The following LRBA variants were observed in gnomAD, a reference collection of about 807,000 sequenced individuals.
LRBA encodes LPS responsive beige-like anchor protein.
In LRBA, 176 loss-of-function variants were observed where a neutral mutation model predicts 330.0. The ratio of observed to expected loss-of-function variants is 0.53; its 90% CI spans 0.47 to 0.60. The LOEUF (loss-of-function observed/expected upper bound fraction) is 0.60, where lower values mean the gene tolerates loss of function less well. LRBA is among the 20% of genes least tolerant of loss of function. LRBA has a pLI of 0.00. For synonymous variants in LRBA, 1,230 were observed against 1,193.0 expected (o/e 1.03, Z -0.64); for missense variants, 3,259 against 3,444.8 (o/e 0.95, Z 1.35).
chr4:150,963,384 G>C (rs1148633), intron 2 of LRBA, among the ~76,000 whole-genome samples: 1 of 149,114 alleles, frequency 6.7e-6, no homozygotes, highest in Non-Finnish European at 1.5e-5. Context: ...ACGGGGTTTC[G>C]CCCTGTTGGC....
chr4:150,561,717 C>T (rs1002305812), intron 40 of LRBA, among the ~76,000 whole-genome samples: 2 of 152,098 alleles, frequency 1.3e-5, no homozygotes, highest in Non-Finnish European at 2.9e-5. Context: ...TTCTGTGAGG[C>T]CTGCATAAAG....
At position 150,559,866 on chromosome 4, in the gene LRBA, A is replaced by AATATATAATT. The variant is rs1351512723; in HGVS notation, c.6330+28172_6330+28181dup. Among the ~76,000 whole-genome samples, 498 of 75,590 alleles carry AATATATAATT rather than the reference A, an allele frequency of 6.6e-3. 3 individuals carry two copies. Among genetic ancestry groups the AATATATAATT allele is most frequent in the Middle Eastern group, 0.016 (2 of 128 alleles). The allele number at this position is 75,590 out of a possible 152,430, so 49.6% of individuals were successfully genotyped here. On this transcript the variant is annotated intron_variant, in intron 40 of 56. Transcript: ENST00000651943. ...TATATAATAATATATAATTATATAT[A>AATATATAATT]ATATATAATTATATATAATTATATA...
intron 5 of LRBA, 44 bp from the exon 6 acceptor site, chr4:150,916,782 G>A: frequency 1.4e-6 from 2 of 1,462,860 alleles, no homozygotes; most frequent in Non-Finnish European, 1.8e-6. Context: ...GTGAAAACCT[G>A]TCTTATTAAA....
intron 37 of LRBA, among the ~76,000 whole-genome samples, chr4:150,639,736 AATATATATATATATATATATAT>A (rs1212252752): frequency 3.9e-5 from 2 of 51,152 alleles, no homozygotes; most frequent in African/African-American, 1.7e-4. Context: ...CTATGCCCCA[AATATATATATATATATATATAT>A]ATATATATAT....
Position 150,350,087 on chromosome 4 carries a change from C to T in LRBA, c.7267G>A (p.Gly2423Arg). The change falls in exon 48 of 57, where the codon GGA becomes AGA. Residue 2423 changes from glycine to arginine, a missense_variant. Gly to Arg is a moderately radical substitution (Grantham distance 125). Coordinates refer to ENST00000651943, the MANE Select transcript of LRBA (RefSeq NM_001364905.1). ...IDLIFGYKQQ[G>R]PEAVRALNVF... is the part of the protein sequence containing the mutation. ...TTGAGGGCTCGGACAGCTTCTGGTC[C>T]TTGCTGTTTATAGCCAAAAATGAGA... 1.2e-6 allele frequency: 2 copies of T among 1,610,060 alleles called. No individual in the cohort carries two copies. Among genetic ancestry groups the T allele is most frequent in the Non-Finnish European group, 1.7e-6 (2 of 1,178,558 alleles).
intron 31 of LRBA, among the ~76,000 whole-genome samples, chr4:150,808,871 C>T (rs1743188052): frequency 6.6e-6 from 1 of 152,162 alleles, no homozygotes; most frequent in Non-Finnish European, 1.5e-5. Flanking sequence ...GGTTAGAAGC[C>T]TAGATCTCTG....
Position 150,925,776 on chromosome 4 carries a change from C to G in LRBA, c.549+2740G>C, listed in dbSNP as rs559362925. On this transcript the variant is annotated intron_variant, in intron 4 of 56. Transcript: ENST00000651943. ...TATGCTTATGAATATAATAAAAATA[C>G]ATTACATATTCAGAATAAATAATGT... is the stretch of plus-strand genomic sequence containing the variant. 6.6e-3 allele frequency among the ~76,000 whole-genome samples: 997 copies of G among 152,192 alleles called. 13 individuals carry two copies. Among genetic ancestry groups the G allele is most frequent in the African/African-American group, 0.019 (803 of 41,534 alleles).
At chr4:150,627,426 A>G (rs1020840742) in intron 37 of LRBA, among the ~76,000 whole-genome samples, 3 of 152,046 alleles carry the variant, frequency 2.0e-5, no homozygotes, top group Admixed American at 1.3e-4. Context: ...TTATTAGTAT[A>G]AACACAAGGG....
chr4:150,889,729 A>C (rs1729285460), intron 17 of LRBA, among the ~76,000 whole-genome samples: 2 of 152,186 alleles, frequency 1.3e-5, no homozygotes, highest in South Asian at 4.1e-4. Flanking sequence ...CTGGTGCCAA[A>C]AAGGCTGGGG....
At chr4:150,980,912 A>T (rs1435321523) in intron 2 of LRBA, among the ~76,000 whole-genome samples, 1 of 152,170 alleles carries the variant, frequency 6.6e-6, no homozygotes, top group East Asian at 1.9e-4. Flanking sequence ...CCTAGGAATT[A>T]ACCAAAGAAT....
At chr4:150,497,899 G>A (rs1759780571) in intron 40 of LRBA, among the ~76,000 whole-genome samples, 1 of 152,146 alleles carries the variant, frequency 6.6e-6, no homozygotes, top group Non-Finnish European at 1.5e-5. Context: ...AGGTGACAAT[G>A]AAGTTCATAT....
intron 34 of LRBA, 87 bp from the exon 35 acceptor site, chr4:150,761,934 A>C: frequency 1.4e-6 from 1 of 721,670 alleles, no homozygotes; most frequent in Non-Finnish European, 2.4e-6. Flanking sequence ...AATATCACCC[A>C]TATCAATTTC....
chr4:150,404,243 G>C (rs1312585873), intron 47 of LRBA, among the ~76,000 whole-genome samples: 1 of 152,044 alleles, frequency 6.6e-6, no homozygotes, highest in Admixed American at 6.5e-5. Context: ...TCAATAAAGA[G>C]AAATAATTGA....
At chr4:150,451,309 C>T (rs1023917841) in intron 44 of LRBA, among the ~76,000 whole-genome samples, 6 of 152,208 alleles carry the variant, frequency 3.9e-5, no homozygotes, top group African/African-American at 1.2e-4. Flanking sequence ...TCTGAGCCAT[C>T]GAACAAATTC....
intron 44 of LRBA, among the ~76,000 whole-genome samples, chr4:150,442,599 C>T (rs1457122197): frequency 6.6e-6 from 1 of 152,082 alleles, no homozygotes; most frequent in Non-Finnish European, 1.5e-5. Flanking sequence ...GAAGAAGGTG[C>T]ATGCAATTAG....
chr4:150,764,913 T>G lies in LRBA; in HGVS notation c.5581-3066A>C, dbSNP rs186615379. Among the ~76,000 whole-genome samples, 133 of 152,160 alleles carry G rather than the reference T, an allele frequency of 8.7e-4. 1 individual carries two copies. The highest frequency in any genetic ancestry group is 4.6e-4 in the Non-Finnish European group (31 of 67,902). On this transcript the variant is annotated intron_variant, in intron 34 of 56. Transcript: ENST00000651943. Reference sequence around the variant, plus strand: ...TACCACAAGATCCAGCAATTTCACTTTTTAGTGTTTAACCAAGGGAGTTGA... The same window carrying G: ...TACCACAAGATCCAGCAATTTCACTGTTTAGTGTTTAACCAAGGGAGTTGA...
At chr4:150,473,057 A>G (rs1024990287) in intron 42 of LRBA, among the ~76,000 whole-genome samples, 5 of 152,136 alleles carry the variant, frequency 3.3e-5, no homozygotes, top group African/African-American at 9.7e-5. Context: ...GAAACCGCCA[A>G]ATTGTTTTCC....
chr4:150,531,918 T>C (rs1461139003), intron 40 of LRBA, among the ~76,000 whole-genome samples: 3 of 152,202 alleles, frequency 2.0e-5, no homozygotes, highest in Non-Finnish European at 4.4e-5. Context: ...ACCTCTACCA[T>C]GCGTATCATT....
At chr4:150,497,458 C>T (rs940227417) in intron 40 of LRBA, among the ~76,000 whole-genome samples, 3 of 152,034 alleles carry the variant, frequency 2.0e-5, no homozygotes, top group African/African-American at 7.2e-5. Context: ...CAAACTTCAA[C>T]AAACAACAAA....
Sources: gnomAD v4.1 joint callset for allele counts (sites outside exome capture counted in the v4.1 genomes callset) on GRCh38, gnomAD v4.1.1 for gene constraint, MANE v1.5 for transcripts, NCBI Gene and HGNC (gene_info 2026-07-23, HGNC 2026-07-21) for gene names.